Variants in ARHGEF28 observed in about 807,000 individuals in gnomAD.
ARHGEF28 encodes 190 kDa guanine nucleotide exchange factor.
Under a neutral mutation model 206.6 loss-of-function variants are expected in ARHGEF28, and 152 were observed. That is an observed-to-expected ratio of 0.74 (90% confidence interval 0.64 to 0.84). The LOEUF is 0.84. Ranked by LOEUF, ARHGEF28 falls within the 40% of genes least tolerant of loss-of-function variation. ARHGEF28 has a pLI of 0.00. For synonymous variants in ARHGEF28, 763 were observed against 776.4 expected (o/e 0.98, Z 0.29); for missense variants, 2,028 against 2,073.2 (o/e 0.98, Z 0.42).
At chr5:73,797,446 G>A (rs1754886688) in intron 9 of ARHGEF28, among the ~76,000 whole-genome samples, 1 of 152,178 alleles carries the variant, frequency 6.6e-6, no homozygotes, top group East Asian at 1.9e-4. Flanking sequence ...TGTTAGCCAG[G>A]CTGGCATGCA....
At chr5:73,727,087 T>C (rs1750318655) in intron 2 of ARHGEF28, among the ~76,000 whole-genome samples, 1 of 152,218 alleles carries the variant, frequency 6.6e-6, no homozygotes, top group Non-Finnish European at 1.5e-5. Flanking sequence ...CTTCATTACC[T>C]GTCCTCATGT....
At chr5:73,739,826 TAAA>T (rs1181358477) in intron 2 of ARHGEF28, among the ~76,000 whole-genome samples, 24 of 106,524 alleles carry the variant, frequency 2.3e-4, no homozygotes, top group African/African-American at 7.4e-4. Flanking sequence ...ATAATAATAA[TAAA>T]AATAAATAAA....
intron 23 of ARHGEF28, 51 bp downstream of exon 23, chr5:73,882,645 A>C (rs1561483255): frequency 1.1e-5 from 15 of 1,383,706 alleles, no homozygotes; most frequent in Non-Finnish European, 1.3e-5. Flanking sequence ...ATGGAGAAAT[A>C]GTTTATGCTT....
rs1761834218 is a variant in ARHGEF28, at chr5:73,894,407, C to G, written c.3673C>G (p.Gln1225Glu). The G allele has an allele frequency of 1.9e-6, 3 of 1,610,996 alleles. No individual in the cohort carries two copies. The South Asian group carries it at 3.3e-5, about 18-fold the overall frequency. Reference sequence around the variant, plus strand: ...CTATTTCATAGAAATACTCACTAACCAAGACCAACAAATTTGTGCGTATTT... The same window carrying G: ...CTATTTCATAGAAATACTCACTAACGAAGACCAACAAATTTGTGCGTATTT... ...IQQCQEILTN[Q>E]DQQICAYLEE... Residue 1225 changes from glutamine (Q) to glutamate (E), a missense_variant, in exon 29 of 36, where the codon CAA becomes GAA. Transcript: ENST00000513042.
Position 73,684,904 on chromosome 5 carries a change from G to C in ARHGEF28, c.33+20G>C. ...CTTTACGTAAGTTGCTAAGCACGGG[G>C]CTTCAGGTCCAAGGGGCCCTTTCTT... On this transcript the variant is annotated intron_variant, in intron 2 of 35. Transcript: ENST00000513042. 6.2e-7 allele frequency: 1 copy of C among 1,611,136 alleles called. No individual in the cohort carries two copies. Among genetic ancestry groups the C allele is most frequent in the Non-Finnish European group, 8.5e-7 (1 of 1,178,340 alleles).
chr5:73,822,657 G>T (rs1184329649), intron 9 of ARHGEF28, among the ~76,000 whole-genome samples: 1 of 152,114 alleles, frequency 6.6e-6, no homozygotes, highest in Non-Finnish European at 1.5e-5. Context: ...TAGAGACAGA[G>T]TCTCACCCAG....
chr5:73,735,432 G>A (rs748697678), intron 2 of ARHGEF28, among the ~76,000 whole-genome samples: 2 of 152,050 alleles, frequency 1.3e-5, no homozygotes, highest in Non-Finnish European at 2.9e-5. Context: ...GAATCTTTGA[G>A]GCCTTACACT....
At chr5:73,855,886 A>C (rs555465218) in intron 14 of ARHGEF28, among the ~76,000 whole-genome samples, 2 of 152,286 alleles carry the variant, frequency 1.3e-5, no homozygotes, top group African/African-American at 4.8e-5. Flanking sequence ...GTAACCAATA[A>C]TTAATTTTCT....
At chr5:73,858,278 G>A in intron 16 of ARHGEF28, 59 bp downstream of exon 16, 2 of 1,514,250 alleles carry the variant, frequency 1.3e-6, no homozygotes, top group Non-Finnish European at 1.8e-6. Flanking sequence ...GTAACCTTGG[G>A]AAGAGGCTCA....
In ARHGEF28 at chr5:73,803,556, G is replaced by T; in HGVS notation, c.1024+8165G>T. 1.8e-5 allele frequency: 3 copies of T among 163,614 alleles called. No individual in the cohort carries two copies. The South Asian group carries it at 5.6e-4, about 30-fold the overall frequency. The allele number at this position is 163,614 out of a possible 1,614,324, so 10.1% of individuals were successfully genotyped here. A position where few individuals can be genotyped will look rare whatever the true frequency, so the allele number is the denominator to read the frequency against. On this transcript the variant is annotated intron_variant, in intron 9 of 35. Coordinates refer to ENST00000513042, the MANE Select transcript of ARHGEF28 (RefSeq NM_001177693.2). ...CTTCTGCAAAGGGAGTGAGACTACTGACCGAATGACAGAGGAGAACTTGAA... is the reference window on the plus strand; with the variant it reads ...CTTCTGCAAAGGGAGTGAGACTACTTACCGAATGACAGAGGAGAACTTGAA...
chr5:73,811,786 C>G (rs1465903944), intron 9 of ARHGEF28, among the ~76,000 whole-genome samples: 1 of 152,016 alleles, frequency 6.6e-6, no homozygotes, highest in Non-Finnish European at 1.5e-5. Context: ...AGTTCGAGAC[C>G]AGCCTGGCTG....
intron 1 of ARHGEF28, among the ~76,000 whole-genome samples, chr5:73,634,012 A>G (rs955870390): frequency 2.6e-5 from 4 of 152,200 alleles, no homozygotes; most frequent in African/African-American, 9.6e-5. Context: ...TAGTCTTATG[A>G]ATAATCTTAA....
intron 22 of ARHGEF28, among the ~76,000 whole-genome samples, chr5:73,880,272 C>G (rs1760830685): frequency 6.6e-6 from 1 of 152,208 alleles, no homozygotes; most frequent in Non-Finnish European, 1.5e-5. Context: ...TTTCCTAAGC[C>G]CGTCGGAAAA....
intron 22 of ARHGEF28, among the ~76,000 whole-genome samples, chr5:73,876,850 A>G (rs1760530426): frequency 6.8e-6 from 1 of 148,070 alleles, no homozygotes; most frequent in Admixed American, 6.8e-5. Context: ...TTTTTGCATC[A>G]GTGTTCATCA....
chr5:73,793,889 CG>C (rs1175404235), intron 7 of ARHGEF28, among the ~76,000 whole-genome samples: 1 of 151,602 alleles, frequency 6.6e-6, no homozygotes, highest in Non-Finnish European at 1.5e-5. Context: ...CCGGTGTGCC[CG>C]GGGCTGAGGT....
chr5:73,848,580 A>G (rs905103584), intron 12 of ARHGEF28, among the ~76,000 whole-genome samples: 1 of 152,064 alleles, frequency 6.6e-6, no homozygotes, highest in Non-Finnish European at 1.5e-5. Flanking sequence ...TTAAATATAG[A>G]AATCTCAGTT....
At chr5:73,900,885 T>C in intron 30 of ARHGEF28, 2 of 252,606 alleles carry the variant, frequency 7.9e-6, no homozygotes, top group South Asian at 1.1e-4. Flanking sequence ...ATGTAGATTC[T>C]ACCCTCTGTA....
chr5:73,657,145 C>G (rs1354440189), intron 1 of ARHGEF28, among the ~76,000 whole-genome samples: 1 of 140,014 alleles, frequency 7.1e-6, no homozygotes, highest in Non-Finnish European at 1.5e-5. Context: ...TGCTCTCTAG[C>G]CTGGGTGACA....
intron 35 of ARHGEF28, among the ~76,000 whole-genome samples, chr5:73,924,240 T>C (rs1763680352): frequency 6.6e-6 from 1 of 152,206 alleles, no homozygotes; most frequent in Non-Finnish European, 1.5e-5. Flanking sequence ...GTGCACTTTA[T>C]TTATACTGAA....
Sources: allele counts gnomAD v4.1 joint callset (sites outside exome capture counted in the v4.1 genomes callset), GRCh38; gene constraint gnomAD v4.1.1; transcripts MANE v1.5; gene names NCBI Gene and HGNC (gene_info 2026-07-23, HGNC 2026-07-21).